Variants in NOS1AP observed in about 807,000 individuals in gnomAD.
NOS1AP encodes the protein carboxyl-terminal PDZ ligand of neuronal nitric oxide synthase protein.
Under a neutral mutation model 56.2 loss-of-function variants are expected in NOS1AP, and 21 were observed. That is an observed-to-expected ratio of 0.37 (90% confidence interval 0.26 to 0.54). The LOEUF is 0.54. Among genes scored for constraint, NOS1AP ranks in the 20% least tolerant of loss-of-function variants. The pLI, the probability that NOS1AP is intolerant of heterozygous loss-of-function variation, is 0.84. For missense variants in NOS1AP, 522 were observed against 657.8 expected, an observed-to-expected ratio of 0.79 and a Z score of 2.26; for synonymous variants, 270 against 274.6, an observed-to-expected ratio of 0.98 and a Z score of 0.17.
intron 1 of NOS1AP, among the ~76,000 whole-genome samples, chr1:162,077,079 A>G (rs569721758): frequency 1.1e-4 from 16 of 152,144 alleles, no homozygotes; most frequent in South Asian, 2.1e-4. Context: ...GCATGTTTTT[A>G]TTTTTATTTT....
rs1177322986 is a variant in NOS1AP, at chr1:162,368,919, A to T, written c.*1452A>T. On this transcript the variant is annotated 3_prime_UTR_variant, in exon 10 of 10. Coordinates refer to ENST00000361897, the MANE Select transcript of NOS1AP (RefSeq NM_014697.3). ...TTCATCGACCCTAGCTTTCCTTTAG[A>T]TTATATATAAATAAAAGTGCAGTCC... 1.3e-5 allele frequency: 2 copies of T among 152,228 alleles called. No homozygotes were observed. The highest frequency in any genetic ancestry group is 2.9e-5 in the Non-Finnish European group (2 of 68,044). 9.4% of individuals were successfully genotyped at this position (152,228 alleles called of 1,614,324 possible).
At chr1:162,173,574 C>A (rs1418304230) in intron 2 of NOS1AP, among the ~76,000 whole-genome samples, 1 of 152,128 alleles carries the variant, frequency 6.6e-6, no homozygotes, top group Non-Finnish European at 1.5e-5. Context: ...CAAATGGGAT[C>A]CAATTAAACT....
At chr1:162,317,323 G>A (rs1337352304) in intron 4 of NOS1AP, 1 of 152,210 alleles carries the variant, frequency 6.6e-6, no homozygotes, top group Non-Finnish European at 1.5e-5. Context: ...CTCAAACACT[G>A]TTAAAAATAT....
chr1:162,178,750 T>C (rs1651154251), intron 2 of NOS1AP, among the ~76,000 whole-genome samples: 1 of 152,350 alleles, frequency 6.6e-6, no homozygotes, highest in Admixed American at 6.5e-5. Context: ...TTATGAACAG[T>C]GGAAGAAAAA....
At chr1:162,331,271 T>C (rs1656758457) in intron 4 of NOS1AP, among the ~76,000 whole-genome samples, 1 of 152,150 alleles carries the variant, frequency 6.6e-6, no homozygotes, top group South Asian at 2.1e-4. Flanking sequence ...GCTAGCTGAG[T>C]GTAGCAGAGA....
intron 2 of NOS1AP, among the ~76,000 whole-genome samples, chr1:162,237,398 G>A (rs1653333629): frequency 1.3e-5 from 2 of 152,194 alleles, no homozygotes; most frequent in Admixed American, 6.5e-5. Context: ...CCAGCCCTCT[G>A]CCAGTCAGTC....
intron 2 of NOS1AP, among the ~76,000 whole-genome samples, chr1:162,210,838 A>T (rs1236659607): frequency 3.3e-5 from 5 of 152,140 alleles, no homozygotes; most frequent in Admixed American, 6.5e-5. Flanking sequence ...TTATTTCTTC[A>T]TCTCTGCTAT....
At chr1:162,307,838 G>T (rs929913100) in intron 4 of NOS1AP, among the ~76,000 whole-genome samples, 2 of 151,804 alleles carry the variant, frequency 1.3e-5, no homozygotes, top group African/African-American at 4.8e-5. Flanking sequence ...AAAAGAATTA[G>T]AAGTCTATTC....
At chr1:162,246,368 G>A (rs1367427124) in intron 2 of NOS1AP, among the ~76,000 whole-genome samples, 1 of 152,198 alleles carries the variant, frequency 6.6e-6, no homozygotes, top group Non-Finnish European at 1.5e-5. Flanking sequence ...GTGGCCATTG[G>A]ATGCTGCCAG....
chr1:162,303,521 A>G (rs1655726393), intron 4 of NOS1AP, among the ~76,000 whole-genome samples: 2 of 152,186 alleles, frequency 1.3e-5, no homozygotes, highest in South Asian at 4.1e-4. Flanking sequence ...GGCTCACTGC[A>G]GCCTCAACCT....
intron 4 of NOS1AP, 120 bp downstream of exon 4, chr1:162,300,826 C>G (rs1030949796): frequency 1.8e-5 from 14 of 796,258 alleles, no homozygotes; most frequent in Middle Eastern, 5.6e-4. Context: ...GCTTTTCCCT[C>G]CTGAGACCTG....
At chr1:162,222,609 T>G (rs887834255) in intron 2 of NOS1AP, among the ~76,000 whole-genome samples, 1 of 152,238 alleles carries the variant, frequency 6.6e-6, no homozygotes, top group Non-Finnish European at 1.5e-5. Flanking sequence ...CTGCCTCAAC[T>G]GTGATTACTA....
chr1:162,304,780 C>CTGTGTGTGTGTGTGTGTG (rs3055849), intron 4 of NOS1AP, among the ~76,000 whole-genome samples: 1 of 146,092 alleles, frequency 6.8e-6, no homozygotes, highest in Non-Finnish European at 1.5e-5. Context: ...ATTTTTATAT[C>CTGTGTGTGTGTGTGTGTG]TGTGTGTGTG....
At chr1:162,179,259 T>C (rs1391236889) in intron 2 of NOS1AP, among the ~76,000 whole-genome samples, 2 of 152,144 alleles carry the variant, frequency 1.3e-5, no homozygotes, top group African/African-American at 4.8e-5. Flanking sequence ...TCTTACGAAA[T>C]AGATATGAAA....
chr1:162,288,071 G>T (rs1488874002), intron 3 of NOS1AP, among the ~76,000 whole-genome samples: 1 of 152,172 alleles, frequency 6.6e-6, no homozygotes, highest in African/African-American at 2.4e-5. Context: ...TTAAACACTT[G>T]TCTGTTTTGT....
rs143511358 is a variant in NOS1AP, at chr1:162,261,615, G to A, written c.178-25729G>A. Among the ~76,000 whole-genome samples, 213 of 151,540 alleles carry A rather than the reference G, an allele frequency of 1.4e-3. 2 individuals carry two copies. Among genetic ancestry groups the A allele is most frequent in the African/African-American group, 5.1e-3 (209 of 41,226 alleles). Reference sequence around the variant, plus strand: ...GTTGCTGGCTTTGATGATAAGGAAGGGGCCAGAAGTCAAGGAATGCAGGCA... The same window carrying A: ...GTTGCTGGCTTTGATGATAAGGAAGAGGCCAGAAGTCAAGGAATGCAGGCA... On this transcript the variant is annotated intron_variant, in intron 2 of 9. Transcript: ENST00000361897.
At chr1:162,151,414 T>C (rs951883739) in intron 1 of NOS1AP, among the ~76,000 whole-genome samples, 3 of 152,228 alleles carry the variant, frequency 2.0e-5, no homozygotes, top group Non-Finnish European at 4.4e-5. Flanking sequence ...GGTTACATGT[T>C]TTGTTCTATA....
intron 2 of NOS1AP, among the ~76,000 whole-genome samples, chr1:162,200,751 G>A (rs947633845): frequency 6.6e-6 from 1 of 152,158 alleles, no homozygotes; most frequent in Non-Finnish European, 1.5e-5. Flanking sequence ...TTTACCTTGG[G>A]AACCTGTTTC....
chr1:162,264,469 C>CCTCTCCTCTCCTCTCCTCTCCTCCCCTGT (rs373124349), intron 2 of NOS1AP, among the ~76,000 whole-genome samples: 8 of 31,858 alleles, frequency 2.5e-4, no homozygotes, highest in Admixed American at 4.2e-4. Context: ...TCTTCTCCTC[C>CCTCTCCTCTCCTCTCCTCTCCTCCCCTGT]CCTCCCCTCC....
Sources: allele counts gnomAD v4.1 joint callset (sites outside exome capture counted in the v4.1 genomes callset), GRCh38; gene constraint gnomAD v4.1.1; transcripts MANE v1.5; gene names NCBI Gene and HGNC (gene_info 2026-07-23, HGNC 2026-07-21).